The following CDH18 variants were observed in gnomAD, a reference collection of about 807,000 sequenced individuals.
CDH18 encodes the protein cadherin 18, also known as cadherin-18.
In CDH18, 31 loss-of-function variants were observed where a neutral mutation model predicts 67.9. The observed-to-expected ratio is 0.46, with a 90% CI of 0.34 to 0.62. CDH18 has a LOEUF of 0.62. Among genes scored for constraint, CDH18 ranks in the 20% least tolerant of loss-of-function variants. The pLI is 0.01. For missense variants in CDH18, 890 were observed against 975.5 expected (o/e 0.91, Z 1.17); for synonymous variants, 362 against 347.2 (o/e 1.04, Z -0.48).
intron 1 of CDH18, among the ~76,000 whole-genome samples, chr5:20,302,043 GA>G (rs113425887): frequency 0.13 from 19,763 of 150,996 alleles, 2,698 homozygotes; most frequent in African/African-American, 0.35. Context: ...CAGGTTTTAA[GA>G]AAAAAAAGGC....
At chr5:20,177,923 G>A (rs1178989889) in intron 2 of CDH18, among the ~76,000 whole-genome samples, 4 of 152,024 alleles carry the variant, frequency 2.6e-5, no homozygotes, top group South Asian at 2.1e-4. Flanking sequence ...CCCCAGCCAC[G>A]TGGAACTATA....
intron 4 of CDH18, among the ~76,000 whole-genome samples, chr5:19,737,182 T>G (rs1410757380): frequency 6.6e-6 from 1 of 152,184 alleles, no homozygotes; most frequent in East Asian, 1.9e-4. Flanking sequence ...GTCTCCCCTC[T>G]ATACCTGACC....
At chr5:20,341,449 C>T (rs1483615340) in intron 1 of CDH18, among the ~76,000 whole-genome samples, 6 of 151,740 alleles carry the variant, frequency 4.0e-5, no homozygotes, top group African/African-American at 1.5e-4. Flanking sequence ...TTGCAGACAG[C>T]CTATTTTGGG....
intron 1 of CDH18, among the ~76,000 whole-genome samples, chr5:20,465,257 T>C (rs11954124): frequency 0.53 from 76,030 of 143,814 alleles, 19,366 homozygotes; most frequent in Admixed American, 0.57. Flanking sequence ...GATCATTATA[T>C]TCTAGAGAAG....
chr5:20,178,378 T>C (rs1436339094), intron 2 of CDH18, among the ~76,000 whole-genome samples: 3 of 151,916 alleles, frequency 2.0e-5, no homozygotes, highest in African/African-American at 7.2e-5. Flanking sequence ...ACCCTTCTTC[T>C]TGGTTCTGTT....
intron 2 of CDH18, among the ~76,000 whole-genome samples, chr5:20,175,750 T>C (rs549754953): frequency 2.0e-5 from 3 of 152,126 alleles, no homozygotes; most frequent in Non-Finnish European, 4.4e-5. Context: ...TAGGCCAGTC[T>C]AGTCTTCACA....
intron 12 of CDH18, among the ~76,000 whole-genome samples, chr5:19,482,328 G>A (rs957423862): frequency 2.0e-5 from 3 of 152,036 alleles, no homozygotes; most frequent in Non-Finnish European, 4.4e-5. Context: ...GTGTTAGCCA[G>A]GATAGTCTCG....
chr5:19,945,981 C>A (rs537440086), intron 2 of CDH18, among the ~76,000 whole-genome samples: 1 of 151,942 alleles, frequency 6.6e-6, no homozygotes, highest in African/African-American at 2.4e-5. Context: ...CACGCTCCAC[C>A]AAATATGTAA....
intron 1 of CDH18, chr5:20,331,476 C>T (rs574445437): frequency 2.6e-5 from 4 of 152,226 alleles, no homozygotes; most frequent in Admixed American, 6.5e-5. Context: ...TTCAGCAATT[C>T]GGGCCTATAA....
At chr5:20,438,791 C>T (rs16887290) in intron 1 of CDH18, among the ~76,000 whole-genome samples, 32,314 of 151,054 alleles carry the variant, frequency 0.21, 3,799 homozygotes, top group East Asian at 0.3. Context: ...CCAGTCTTTC[C>T]ACCTGTTCCA....
intron 2 of CDH18, among the ~76,000 whole-genome samples, chr5:19,869,915 T>C (rs1424765224): frequency 6.6e-6 from 1 of 152,126 alleles, no homozygotes; most frequent in Admixed American, 6.6e-5. Flanking sequence ...CATATCAACA[T>C]TGCAATTTCA....
At chr5:20,425,465 A>G (rs1201181617) in intron 1 of CDH18, among the ~76,000 whole-genome samples, 1 of 151,232 alleles carries the variant, frequency 6.6e-6, no homozygotes, top group African/African-American at 2.5e-5. Flanking sequence ...GGTGTTAACA[A>G]TAGAAAATAT....
chr5:20,305,188 G>C (rs779126778), intron 1 of CDH18: 6 of 1,415,890 alleles, frequency 4.2e-6, no homozygotes, highest in South Asian at 2.3e-5. Context: ...GTTTCCATTC[G>C]ACAGTCCTTC....
At chr5:19,689,844 T>C (rs1402332602) in intron 5 of CDH18, among the ~76,000 whole-genome samples, 1 of 151,826 alleles carries the variant, frequency 6.6e-6, no homozygotes, top group Non-Finnish European at 1.5e-5. Context: ...GTTTTTTAAG[T>C]GATCTATGAT....
intron 1 of CDH18, among the ~76,000 whole-genome samples, chr5:20,344,494 A>ACCC (rs1322635997): frequency 4.6e-5 from 7 of 152,056 alleles, no homozygotes; most frequent in African/African-American, 1.4e-4. Flanking sequence ...AATTAATACG[A>ACCC]TAATTACTCA....
At chr5:20,076,358 C>T (rs10155609) in intron 2 of CDH18, among the ~76,000 whole-genome samples, 5,363 of 152,042 alleles carry the variant, frequency 0.035, 315 homozygotes, top group African/African-American at 0.12. Context: ...CTAAAAGTAA[C>T]TACATTAGAT....
chr5:19,994,722 TATATATATATATATATAGAG>T (rs1328039065), intron 2 of CDH18, among the ~76,000 whole-genome samples: 4 of 23,986 alleles, frequency 1.7e-4, no homozygotes, highest in East Asian at 2.6e-3. Flanking sequence ...TATATATATA[TATATATATATATATATAGAG>T]AGAGAGAGAG....
chr5:20,160,177 C>A (rs1751863794), intron 2 of CDH18, among the ~76,000 whole-genome samples: 1 of 152,188 alleles, frequency 6.6e-6, no homozygotes, highest in Non-Finnish European at 1.5e-5. Context: ...CAATACTCTT[C>A]AGTTACATAC....
intron 3 of CDH18, among the ~76,000 whole-genome samples, chr5:19,782,767 C>T (rs116172298): frequency 1.1e-3 from 170 of 152,182 alleles, no homozygotes; most frequent in African/African-American, 3.9e-3. Context: ...GTATGCTTGG[C>T]CAAATTCCAC....
Sources: gnomAD v4.1 joint callset for allele counts (sites outside exome capture counted in the v4.1 genomes callset) on GRCh38, gnomAD v4.1.1 for gene constraint, MANE v1.5 for transcripts, NCBI Gene and HGNC (gene_info 2026-07-23, HGNC 2026-07-21) for gene names.